Variants in KIF27 observed in about 807,000 individuals in gnomAD.
KIF27 encodes kinesin-like protein KIF27.
A neutral mutation model predicts 141.8 loss-of-function variants in KIF27; 84 were observed. The observed-to-expected ratio is 0.59, with a 90% CI of 0.50 to 0.71. The LOEUF is 0.71. Among genes scored for constraint, KIF27 ranks in the 30% least tolerant of loss-of-function variants. KIF27 has a pLI of 0.00. For synonymous variants in KIF27, 471 were observed against 569.5 expected, an observed-to-expected ratio of 0.83 and a Z score of 2.46; for missense variants, 1,306 against 1,628.4, an observed-to-expected ratio of 0.80 and a Z score of 3.41.
chr9:83,909,084 C>G (rs377384097), intron 2 of KIF27, among the ~76,000 whole-genome samples: 3 of 152,208 alleles, frequency 2.0e-5, no homozygotes, highest in Admixed American at 1.3e-4. Flanking sequence ...ATAAACAAAA[C>G]AGGGAGAAAA....
At chr9:83,842,574 T>C (rs563864759) in intron 16 of KIF27, among the ~76,000 whole-genome samples, 173 bp from the exon 17 acceptor site, 1 of 152,264 alleles carries the variant, frequency 6.6e-6, no homozygotes, top group African/African-American at 2.4e-5. Context: ...CACACCATTC[T>C]CCTGCCTCCG....
intron 5 of KIF27, among the ~76,000 whole-genome samples, chr9:83,892,204 C>G (rs1225369432): frequency 6.6e-6 from 1 of 152,100 alleles, no homozygotes; most frequent in African/African-American, 2.4e-5. Flanking sequence ...AGTCATTCAT[C>G]TTAATACTTC....
At chr9:83,877,392 C>A (rs1475382807) in intron 11 of KIF27, among the ~76,000 whole-genome samples, 2 of 152,122 alleles carry the variant, frequency 1.3e-5, no homozygotes, top group African/African-American at 2.4e-5. Context: ...ATAAGGGTGC[C>A]AAGTCCATTC....
At position 83,834,321 on chromosome 9, in the gene KIF27, C is replaced by T. The variant is rs1945560821; in HGVS notation, c.*2680G>A. On this transcript the variant is annotated 3_prime_UTR_variant, in exon 18 of 18. Transcript: ENST00000297814. The stretch of plus-strand genomic sequence containing the variant: ...TTTTTTTCTTTCCTTTGTGAGAACA[C>T]CGACTAAACTAGAATGACCAGAGGT... 6.6e-6 allele frequency among the ~76,000 whole-genome samples: 1 copy of T among 152,022 alleles called. No individual in the cohort carries two copies.
At chr9:83,870,952 C>T (rs1480341580) in intron 11 of KIF27, among the ~76,000 whole-genome samples, 1 of 152,044 alleles carries the variant, frequency 6.6e-6, no homozygotes, top group Non-Finnish European at 1.5e-5. Flanking sequence ...CACTCTGTAT[C>T]TAGACTAGAG....
intron 12 of KIF27, among the ~76,000 whole-genome samples, chr9:83,869,038 G>C (rs1486474419): frequency 2.6e-5 from 4 of 152,068 alleles, no homozygotes; most frequent in Admixed American, 2.6e-4. Flanking sequence ...TTCTTAAACT[G>C]TGAGTGGGGT....
At chr9:83,867,098 T>A (rs1438636044) in intron 13 of KIF27, among the ~76,000 whole-genome samples, 1 of 152,082 alleles carries the variant, frequency 6.6e-6, no homozygotes, top group East Asian at 1.9e-4. Context: ...ACAAATGGTA[T>A]TATACAAAGG....
At chr9:83,865,481 G>C (rs1950281531) in intron 13 of KIF27, among the ~76,000 whole-genome samples, 1 of 152,066 alleles carries the variant, frequency 6.6e-6, no homozygotes. Context: ...ATTTTTAGAA[G>C]AGACAGGGTT....
At chr9:83,907,916 A>C (rs1954724624) in intron 3 of KIF27, among the ~76,000 whole-genome samples, 1 of 152,226 alleles carries the variant, frequency 6.6e-6, no homozygotes, top group African/African-American at 2.4e-5. Flanking sequence ...ATTACAAATT[A>C]ATAACTTCAC....
At chr9:83,889,360 T>C in intron 6 of KIF27, 107 bp from the exon 7 acceptor site, 2 of 900,406 alleles carry the variant, frequency 2.2e-6, no homozygotes, top group Non-Finnish European at 3.3e-6. Context: ...ATTGGCACTC[T>C]TAAAATAGCC....
At position 83,862,719 on chromosome 9, in the gene KIF27, T is replaced by C. The variant is rs1238323809; in HGVS notation, c.2935-3348A>G. Among the ~76,000 whole-genome samples the C allele has an allele frequency of 2.0e-5, 3 of 152,292 alleles. No individual in the cohort carries two copies. In the East Asian group the frequency reaches 5.8e-4, roughly 29 times the overall value. On this transcript the variant is annotated intron_variant, in intron 13 of 17. Coordinates refer to ENST00000297814, the MANE Select transcript of KIF27 (RefSeq NM_017576.4). ...TTTTCCAGTTCTGTGAAGAAAGTCA[T>C]TGGTAGCTTGATGGGGATGGCATTG...
chr9:83,845,555 T>TG (rs1247669058), intron 16 of KIF27, among the ~76,000 whole-genome samples: 2 of 152,180 alleles, frequency 1.3e-5, no homozygotes, highest in East Asian at 3.9e-4. Context: ...GACTAGGGCC[T>TG]GGTTCACAGA....
chr9:83,906,080 T>C (rs1362092222), intron 3 of KIF27, among the ~76,000 whole-genome samples: 1 of 152,162 alleles, frequency 6.6e-6, no homozygotes, highest in Non-Finnish European at 1.5e-5. Context: ...AAGAAGCATG[T>C]ATTATTTTTG....
chr9:83,908,569 C>G lies in KIF27; in HGVS notation c.382G>C (p.Asp128His). 1 of 1,611,138 alleles carries G rather than the reference C, an allele frequency of 6.2e-7. No individual in the cohort carries two copies. Among genetic ancestry groups the G allele is most frequent in the East Asian group, 2.2e-5 (1 of 44,800 alleles). ...FQSISEHPSI[D>H]FNVKVSYIEV... is the part of the protein sequence containing the mutation. ...ATATAAGATACTTTTACATTAAAGT[C>G]AATGCTAGGATGTTCAGAGATGCTT... Residue 128 changes from aspartate (D) to histidine (H), a missense_variant, in exon 3 of 18, where the codon GAC becomes CAC. This residue lies in a region of KIF27 where 533 missense variants were observed against 565.6 expected (regional missense o/e 0.94). Transcript: ENST00000297814.
chr9:83,886,979 C>CATCAGAAGCA, intron 9 of KIF27, 62 bp downstream of exon 9: 1 of 1,460,448 alleles, frequency 6.8e-7, no homozygotes, highest in Non-Finnish European at 9.0e-7. Flanking sequence ...ACTGTTACCA[C>CATCAGAAGCA]ATCAGAAGCA....
chr9:83,853,301 T>C (rs940280398), intron 15 of KIF27, among the ~76,000 whole-genome samples: 2 of 151,938 alleles, frequency 1.3e-5, no homozygotes, highest in Admixed American at 6.6e-5. Context: ...GAGTGCCAGG[T>C]AGAACATCCA....
At chr9:83,912,123 G>A (rs1315974812) in intron 2 of KIF27, among the ~76,000 whole-genome samples, 1 of 152,164 alleles carries the variant, frequency 6.6e-6, no homozygotes, top group African/African-American at 2.4e-5. Context: ...AAAATAAGTG[G>A]AGGGAAAAGC....
intron 11 of KIF27, among the ~76,000 whole-genome samples, chr9:83,879,285 C>T (rs1951484034): frequency 6.6e-6 from 1 of 151,190 alleles, no homozygotes; most frequent in Non-Finnish European, 1.5e-5. Context: ...GGTTTAAATG[C>T]TCTTTAAGTT....
chr9:83,888,816 CAAA>C (rs35585822), intron 7 of KIF27, among the ~76,000 whole-genome samples: 8 of 83,852 alleles, frequency 9.5e-5, no homozygotes, highest in East Asian at 3.7e-4. Context: ...TAAGGAAATC[CAAA>C]AAAAAAAAAA....
Sources: gnomAD v4.1 joint callset for allele counts (sites outside exome capture counted in the v4.1 genomes callset) on GRCh38, gnomAD v4.1.1 for gene constraint, gnomAD v4.1.1 regional missense constraint, MANE v1.5 for transcripts, NCBI Gene and HGNC (gene_info 2026-07-23, HGNC 2026-07-21) for gene names.